RBM47: variants seen among roughly 807,000 people sequenced by gnomAD.
RBM47 encodes the protein RNA-binding protein 47.
Under a neutral mutation model 47.1 loss-of-function variants are expected in RBM47, and 21 were observed. The ratio of observed to expected loss-of-function variants is 0.45; its 90% CI spans 0.32 to 0.64. The LOEUF (loss-of-function observed/expected upper bound fraction) is 0.64, where lower values mean the gene tolerates loss of function less well. RBM47 is among the 30% of genes least tolerant of loss of function. The probability of loss-of-function intolerance (pLI) is 0.05; values close to 1 mark genes in which losing one functional copy is unlikely to be tolerated. For synonymous variants in RBM47, 375 were observed against 361.7 expected (o/e 1.04, Z -0.42); for missense variants, 708 against 870.9 (o/e 0.81, Z 2.35).
chr4:40,581,954 C>T (rs190119870), intron 1 of RBM47, among the ~76,000 whole-genome samples: 29 of 152,144 alleles, frequency 1.9e-4, no homozygotes, highest in African/African-American at 7.0e-4. Flanking sequence ...CCCGCTTCCC[C>T]TCCTCTGCAC....
intron 3 of RBM47, among the ~76,000 whole-genome samples, chr4:40,446,932 T>A (rs186742654): frequency 6.6e-6 from 1 of 151,964 alleles, no homozygotes. Context: ...TGTATCAGAG[T>A]CTCCCAGATT....
At chr4:40,603,933 T>G (rs920064238) in intron 1 of RBM47, among the ~76,000 whole-genome samples, 1 of 152,184 alleles carries the variant, frequency 6.6e-6, no homozygotes, top group African/African-American at 2.4e-5. Flanking sequence ...GCTGATTTTA[T>G]GTTCCTGTCC....
intron 3 of RBM47, among the ~76,000 whole-genome samples, chr4:40,465,409 C>T (rs1003936839): frequency 2.6e-5 from 4 of 152,162 alleles, no homozygotes; most frequent in Non-Finnish European, 5.9e-5. Context: ...GCCTGTAATC[C>T]TAGCACATGG....
intron 1 of RBM47, among the ~76,000 whole-genome samples, chr4:40,624,594 G>A (rs1421215721): frequency 6.6e-6 from 1 of 152,136 alleles, no homozygotes; most frequent in Non-Finnish European, 1.5e-5. Flanking sequence ...GGTATTAACT[G>A]GTAGTACATA....
At chr4:40,432,924 C>A in intron 5 of RBM47, 62 bp from the exon 6 acceptor site, 1 of 1,566,360 alleles carries the variant, frequency 6.4e-7, no homozygotes, top group Admixed American at 2.2e-5. Flanking sequence ...TGGGGTCCAG[C>A]ACTTGCTCTA....
intron 1 of RBM47, among the ~76,000 whole-genome samples, chr4:40,569,455 G>A (rs1343262100): frequency 1.3e-5 from 2 of 150,648 alleles, no homozygotes; most frequent in Non-Finnish European, 1.5e-5. Flanking sequence ...TGTCGCCCAG[G>A]CTGGAGTGCA....
chr4:40,508,297 T>G (rs947256675), intron 2 of RBM47, among the ~76,000 whole-genome samples: 2 of 152,210 alleles, frequency 1.3e-5, no homozygotes, highest in African/African-American at 4.8e-5. Flanking sequence ...ATTACTGCAG[T>G]TAAACAGCCA....
chr4:40,555,808 G>C (rs1476459614), intron 1 of RBM47, among the ~76,000 whole-genome samples: 4 of 152,178 alleles, frequency 2.6e-5, no homozygotes, highest in Non-Finnish European at 5.9e-5. Context: ...AATTCGGAAA[G>C]ATGAACAGCC....
intron 1 of RBM47, among the ~76,000 whole-genome samples, chr4:40,550,478 C>G (rs1389847032): frequency 6.6e-6 from 1 of 152,076 alleles, no homozygotes; most frequent in East Asian, 1.9e-4. Flanking sequence ...GAATGTAGTG[C>G]TATGATCTCA....
chr4:40,437,094 T>TATATATATATATATATAAAATAC (rs1712647689), intron 4 of RBM47, among the ~76,000 whole-genome samples: 1 of 44,110 alleles, frequency 2.3e-5, no homozygotes, highest in African/African-American at 1.2e-4. Flanking sequence ...AAAAAAAATA[T>TATATATATATATATATAAAATAC]ATATATATAT....
rs200374378 is a variant in RBM47, at chr4:40,432,689, C to T, written c.1504G>A (p.Ala502Thr). ...GGCGTCGACACAGTGGGAATGACAG[C>T]GGCTGCGGCGGCTGCGGCCGCGGCT... is the stretch of plus-strand genomic sequence containing the variant. ...AAAAAAAAAA[A>T]VIPTVSTPPP... Residue 502 changes from alanine (A) to threonine (T), a missense_variant, in exon 6 of 7, where the codon GCT becomes ACT. Transcript: ENST00000295971. 24 of 1,598,254 alleles carry T rather than the reference C, an allele frequency of 1.5e-5. No homozygotes were observed. The highest frequency in any genetic ancestry group is 2.3e-5 in the East Asian group (1 of 44,420).
At chr4:40,593,056 C>T (rs1376441348) in intron 1 of RBM47, among the ~76,000 whole-genome samples, 27 of 116,676 alleles carry the variant, frequency 2.3e-4, no homozygotes, top group East Asian at 2.8e-4. Flanking sequence ...AGTCCGGTGG[C>T]GCGATTTTGG....
intron 2 of RBM47, among the ~76,000 whole-genome samples, chr4:40,505,944 T>C (rs1724049255): frequency 6.6e-6 from 1 of 152,062 alleles, no homozygotes; most frequent in South Asian, 2.1e-4. Context: ...CTTGTCATTT[T>C]ATGCAGCAAA....
At chr4:40,502,304 C>T (rs975113446) in intron 2 of RBM47, among the ~76,000 whole-genome samples, 5 of 152,050 alleles carry the variant, frequency 3.3e-5, no homozygotes, top group Non-Finnish European at 5.9e-5. Context: ...TTTGATGTGT[C>T]CTTGTTATTC....
intron 1 of RBM47, among the ~76,000 whole-genome samples, chr4:40,597,173 T>C (rs1424639016): frequency 1.3e-5 from 2 of 151,898 alleles, no homozygotes; most frequent in East Asian, 1.9e-4. Context: ...GGCAGGAGAA[T>C]CACTTGAACC....
chr4:40,462,659 A>C (rs1490555285), intron 3 of RBM47, among the ~76,000 whole-genome samples: 1 of 152,174 alleles, frequency 6.6e-6, no homozygotes, highest in African/African-American at 2.4e-5. Context: ...AGGAAGAAAA[A>C]TCATTCAGAA....
chr4:40,623,185 A>C (rs868056343), intron 1 of RBM47, among the ~76,000 whole-genome samples: 4 of 152,206 alleles, frequency 2.6e-5, no homozygotes, highest in Middle Eastern at 3.4e-3. Context: ...GTTTCTGTTT[A>C]CTCATTGGCA....
chr4:40,541,331 A>G (rs77332334), intron 2 of RBM47, among the ~76,000 whole-genome samples: 5,630 of 151,864 alleles, frequency 0.037, 368 homozygotes, highest in African/African-American at 0.13. Context: ...TGAGAAGGCC[A>G]GTTCCATGGA....
chr4:40,459,365 C>G (rs924437629), intron 3 of RBM47, among the ~76,000 whole-genome samples: 1 of 152,176 alleles, frequency 6.6e-6, no homozygotes, highest in Non-Finnish European at 1.5e-5. Flanking sequence ...CTAACATCCA[C>G]CAAATTGCTT....
Sources: gnomAD v4.1 joint callset for allele counts (sites outside exome capture counted in the v4.1 genomes callset) on GRCh38, gnomAD v4.1.1 for gene constraint, MANE v1.5 for transcripts, NCBI Gene and HGNC (gene_info 2026-07-23, HGNC 2026-07-21) for gene names.